Variants in ADCY8 observed in about 807,000 individuals in gnomAD.
ADCY8 encodes the protein adenylate cyclase type 8.
In ADCY8, 51 loss-of-function variants were observed where a neutral mutation model predicts 119.7. That is an observed-to-expected ratio of 0.43 (90% CI 0.34 to 0.54). ADCY8 has a LOEUF of 0.54. ADCY8 is among the 20% of genes least tolerant of loss of function. ADCY8 has a pLI of 0.03. For synonymous variants in ADCY8, 665 were observed against 651.0 expected (o/e 1.02, Z -0.33); for missense variants, 1,383 against 1,598.8 (o/e 0.87, Z 2.30).
At chr8:130,861,385 G>A (rs1186808730) in intron 9 of ADCY8, among the ~76,000 whole-genome samples, 1 of 152,060 alleles carries the variant, frequency 6.6e-6, no homozygotes, top group Non-Finnish European at 1.5e-5. Flanking sequence ...TCAGTGTTTT[G>A]AAGATTTCTT....
chr8:130,964,461 G>A (rs1821701139), intron 2 of ADCY8, among the ~76,000 whole-genome samples: 1 of 152,144 alleles, frequency 6.6e-6, no homozygotes, highest in African/African-American at 2.4e-5. Context: ...TTAAATAAAA[G>A]ACTAAGTAAA....
At chr8:131,030,229 G>A (rs1823956663) in intron 1 of ADCY8, among the ~76,000 whole-genome samples, 1 of 152,146 alleles carries the variant, frequency 6.6e-6, no homozygotes, top group African/African-American at 2.4e-5. Flanking sequence ...GAGTGACTAT[G>A]AGTTCCCAGA....
chr8:130,830,990 T>C (rs543846790), intron 12 of ADCY8, among the ~76,000 whole-genome samples: 2 of 152,234 alleles, frequency 1.3e-5, no homozygotes, highest in East Asian at 3.9e-4. Flanking sequence ...ACATAAGTAA[T>C]AAAGACTATG....
chr8:131,003,620 G>T (rs199785268), intron 1 of ADCY8, among the ~76,000 whole-genome samples: 1 of 72,422 alleles, frequency 1.4e-5, no homozygotes, highest in African/African-American at 7.2e-5. Context: ...TTTATGGACA[G>T]TCCTGCTTGG....
At chr8:130,831,435 T>C (rs1313942214) in intron 12 of ADCY8, among the ~76,000 whole-genome samples, 2 of 152,114 alleles carry the variant, frequency 1.3e-5, no homozygotes, top group Non-Finnish European at 2.9e-5. Context: ...AGTACACAGA[T>C]TGGAAAATGA....
chr8:130,949,155 G>A (rs529226836), intron 3 of ADCY8, among the ~76,000 whole-genome samples: 2 of 152,128 alleles, frequency 1.3e-5, no homozygotes, highest in African/African-American at 2.4e-5. Flanking sequence ...ATAAATGGGC[G>A]GGGTTGGAGG....
At chr8:130,956,267 C>T (rs1299152119) in intron 2 of ADCY8, among the ~76,000 whole-genome samples, 1 of 152,218 alleles carries the variant, frequency 6.6e-6, no homozygotes, top group East Asian at 1.9e-4. Flanking sequence ...CTGTAGGATC[C>T]TATAGTGAGA....
At position 130,800,419 on chromosome 8, in the gene ADCY8, G is replaced by A. The variant is rs764188469; in HGVS notation, c.3060+7C>T. 3 of 1,614,070 alleles carry A rather than the reference G, an allele frequency of 1.9e-6. No individual in the cohort carries two copies. Among genetic ancestry groups the A allele is most frequent in the South Asian group, 2.2e-5 (2 of 91,072 alleles). On this transcript the variant is annotated splice_region_variant and intron_variant, in intron 15 of 17. Coordinates refer to ENST00000286355, the MANE Select transcript of ADCY8 (RefSeq NM_001115.3). Reference sequence around the variant, plus strand: ...TGTGATTGTAAATGTCTCAGGCTTAGATTTACCTCATCGAAGTCAGCAATG... The same window carrying A: ...TGTGATTGTAAATGTCTCAGGCTTAAATTTACCTCATCGAAGTCAGCAATG...
intron 5 of ADCY8, among the ~76,000 whole-genome samples, chr8:130,926,921 G>A (rs1820486288): frequency 7.0e-6 from 1 of 142,708 alleles, no homozygotes; most frequent in Non-Finnish European, 1.5e-5. Context: ...CTTCTTTATG[G>A]TGTAATAGTA....
intron 6 of ADCY8, among the ~76,000 whole-genome samples, chr8:130,905,755 G>A (rs957281793): frequency 4.6e-5 from 7 of 152,168 alleles, no homozygotes; most frequent in Non-Finnish European, 8.8e-5. Flanking sequence ...AGCTACTTGA[G>A]AGGCTGAGGT....
At chr8:130,951,765 A>G (rs932512774) in intron 3 of ADCY8, 103 bp downstream of exon 3, 1 of 1,399,752 alleles carries the variant, frequency 7.1e-7, no homozygotes, top group Non-Finnish European at 9.8e-7. Context: ...AGATGAGGAA[A>G]GGTGCTGACA....
chr8:131,033,795 G>A (rs573110341), intron 1 of ADCY8, among the ~76,000 whole-genome samples: 1 of 150,772 alleles, frequency 6.6e-6, no homozygotes, highest in East Asian at 1.9e-4. Flanking sequence ...TACACATGAA[G>A]AAGAAAGAAA....
At chr8:130,818,339 C>T (rs375940064) in intron 13 of ADCY8, among the ~76,000 whole-genome samples, 2 of 152,132 alleles carry the variant, frequency 1.3e-5, no homozygotes, top group Non-Finnish European at 2.9e-5. Context: ...CTTGTGGAGG[C>T]GTGGCTTCCT....
chr8:130,896,399 A>C (rs1046330025), intron 7 of ADCY8, among the ~76,000 whole-genome samples: 5 of 152,190 alleles, frequency 3.3e-5, no homozygotes, highest in Non-Finnish European at 7.4e-5. Flanking sequence ...TAAAAGTAAG[A>C]TGAGTTTGAA....
intron 14 of ADCY8, among the ~76,000 whole-genome samples, chr8:130,801,840 A>G (rs1815787846): frequency 6.8e-6 from 1 of 147,076 alleles, no homozygotes; most frequent in South Asian, 2.2e-4. Context: ...GATTCTCTTG[A>G]CTTTTTATGC....
intron 2 of ADCY8, among the ~76,000 whole-genome samples, chr8:130,976,937 G>A (rs1822089805): frequency 1.3e-5 from 2 of 152,172 alleles, no homozygotes; most frequent in Non-Finnish European, 2.9e-5. Flanking sequence ...TTTTACAAGT[G>A]AGGAGACTGA....
chr8:130,816,763 T>C (rs910393784), intron 13 of ADCY8, among the ~76,000 whole-genome samples: 1 of 152,132 alleles, frequency 6.6e-6, no homozygotes, highest in Non-Finnish European at 1.5e-5. Context: ...ATATAAACCA[T>C]TTTACATTTT....
intron 1 of ADCY8, among the ~76,000 whole-genome samples, chr8:131,017,648 T>C (rs993698637): frequency 2.0e-5 from 3 of 152,174 alleles, no homozygotes; most frequent in Admixed American, 1.3e-4. Flanking sequence ...TCAGGGGCTG[T>C]GCTCACTGAT....
At chr8:131,017,228 C>T (rs1001522639) in intron 1 of ADCY8, among the ~76,000 whole-genome samples, 4 of 152,132 alleles carry the variant, frequency 2.6e-5, no homozygotes, top group Admixed American at 1.3e-4. Context: ...TGCCACCACG[C>T]CCGGCTAATT....
Sources: allele counts gnomAD v4.1 joint callset (sites outside exome capture counted in the v4.1 genomes callset), GRCh38; gene constraint gnomAD v4.1.1; transcripts MANE v1.5; gene names NCBI Gene and HGNC (gene_info 2026-07-23, HGNC 2026-07-21).